Variants in NUP85 observed in about 807,000 individuals in gnomAD.
NUP85 encodes the protein nuclear pore complex protein Nup85.
In NUP85, 23 loss-of-function variants were observed where a neutral mutation model predicts 92.8. The observed-to-expected ratio is 0.25, with a 90% CI of 0.18 to 0.35. The LOEUF (loss-of-function observed/expected upper bound fraction) is 0.35, where lower values mean the gene tolerates loss of function less well. Among genes scored for constraint, NUP85 ranks in the 10% least tolerant of loss-of-function variants. NUP85 has a pLI of 1.00. For missense variants in NUP85, 759 were observed against 822.8 expected (o/e 0.92, Z 0.95); for synonymous variants, 314 against 306.9 (o/e 1.02, Z -0.24).
rs2075738554 is a variant in NUP85, at chr17:75,225,099, C to T, written c.598-4C>T. ...AATGCTTATGGGCCCGGATCTCCTC[C>T]CAGGTGACCATCTTGGTGCTGCAGG... On this transcript the variant is annotated splice_polypyrimidine_tract_variant and splice_region_variant and intron_variant, in intron 7 of 18. Transcript: ENST00000245544. 6.5e-7 allele frequency: 1 copy of T among 1,547,922 alleles called. No homozygotes were observed. The highest frequency in any genetic ancestry group is 2.3e-5 in the East Asian group (1 of 44,182).
chr17:75,226,033 C>T lies in NUP85; in HGVS notation c.988-18C>T. The T allele has an allele frequency of 6.2e-7, 1 of 1,613,612 alleles. No homozygotes were observed. The highest frequency in any genetic ancestry group is 1.1e-5 in the South Asian group (1 of 91,060). ...TGCTTCCGTCCTCAGGATTGAGTGTCTCATCACCTTTCCACAGTCCAGCCT... is the reference window on the plus strand; with the variant it reads ...TGCTTCCGTCCTCAGGATTGAGTGTTTCATCACCTTTCCACAGTCCAGCCT... On this transcript the variant is annotated intron_variant, in intron 10 of 18. Transcript: ENST00000245544.
At chr17:75,225,280 G>A (rs772184913) in intron 8 of NUP85, 43 bp downstream of exon 8, 60 of 1,609,906 alleles carry the variant, frequency 3.7e-5, no homozygotes, top group Admixed American at 1.0e-4. Flanking sequence ...CAGGAGATGC[G>A]TGATTCACTA....
chr17:75,207,489 T>C (rs2075121783), intron 1 of NUP85, among the ~76,000 whole-genome samples: 1 of 150,442 alleles, frequency 6.6e-6, no homozygotes. Flanking sequence ...CTGGCCTCAT[T>C]CTTTTTTTGA....
intron 4 of NUP85, 40 bp from the exon 5 acceptor site, chr17:75,213,036 G>A: frequency 6.3e-7 from 1 of 1,594,160 alleles, no homozygotes; most frequent in African/African-American, 1.3e-5. Context: ...ATAAGCCTAA[G>A]AGTTCCATTG....
rs1177619552 is a variant in NUP85, at chr17:75,233,428, TTATTTTTTC to T, written c.1615+272_1615+280del. On this transcript the variant is annotated intron_variant, in intron 16 of 18. Transcript: ENST00000245544. ...CTCTTTCTTTCTTTCTTCTTTTCTT[TTATTTTTTC>T]TTTTTTTTTTTTTTTGAGACAGAAT... is the stretch of plus-strand genomic sequence containing the variant. Among the ~76,000 whole-genome samples, 12 of 38,772 alleles carry T rather than the reference TTATTTTTTC, an allele frequency of 3.1e-4. 1 individual carries two copies. In the South Asian group the frequency reaches 1.0e-2, roughly 32 times the overall value. 25.4% of individuals were successfully genotyped at this position (38,772 alleles called of 152,430 possible). A position where few individuals can be genotyped will look rare whatever the true frequency, so the allele number is the denominator to read the frequency against.
chr17:75,229,557 C>T (rs1441548040), intron 11 of NUP85, among the ~76,000 whole-genome samples: 1 of 152,166 alleles, frequency 6.6e-6, no homozygotes, highest in African/African-American at 2.4e-5. Context: ...ACTCAGAATC[C>T]TTCAGAGTGA....
In NUP85 at chr17:75,231,393, A is replaced by T; in HGVS notation, c.1148A>T (p.His383Leu). ...GCCCACCTGACAGACCTGCTGGACC[A>T]CTGCAAGCTCCTCCAGTCACACAAC... ...FVAHLTDLLDHCKLLQSHNLY... is the reference protein window; with the variant it reads ...FVAHLTDLLDLCKLLQSHNLY... The change falls in exon 12 of 19, where the codon CAC becomes CTC. Residue 383 changes from histidine (H) to leucine (L), a missense_variant. Transcript: ENST00000245544. This position sits in a 1 kb window ranked among gnomAD's most constrained non-coding sequence, Gnocchi z 4.6. 6.2e-7 allele frequency: 1 copy of T among 1,614,142 alleles called. No individual in the cohort carries two copies. The highest frequency in any genetic ancestry group is 8.5e-7 in the Non-Finnish European group (1 of 1,180,026).
intron 3 of NUP85, among the ~76,000 whole-genome samples, chr17:75,211,027 G>A (rs1297459976): frequency 1.9e-5 from 2 of 107,440 alleles, no homozygotes; most frequent in Non-Finnish European, 3.6e-5. Flanking sequence ...TTTTGAGACA[G>A]AGTTTCACTC....
At position 75,234,842 on chromosome 17, in the gene NUP85, T is replaced by C. The variant is rs1221336196; in HGVS notation, c.1767+54T>C. 7.8e-6 allele frequency: 12 copies of C among 1,541,200 alleles called. No individual in the cohort carries two copies. The African/African-American group carries it at 2.5e-4, about 32-fold the overall frequency. On this transcript the variant is annotated intron_variant, in intron 17 of 18. Coordinates refer to ENST00000245544, the MANE Select transcript of NUP85 (RefSeq NM_024844.5). ...TTGCTTGTCAGTCCCTGCTAGAGCTTAGTTGTATAGCTGTTGCCGATGTGC... is the reference window on the plus strand; with the variant it reads ...TTGCTTGTCAGTCCCTGCTAGAGCTCAGTTGTATAGCTGTTGCCGATGTGC...
At chr17:75,218,362 C>T in intron 7 of NUP85, 56 bp downstream of exon 7, 2 of 1,605,074 alleles carry the variant, frequency 1.2e-6, no homozygotes, top group South Asian at 1.1e-5. Context: ...CCTGGTGCTG[C>T]CGGGTGGGTC....
In NUP85 at chr17:75,212,107, TGTG is replaced by T. The variant is rs765682081; in HGVS notation, c.361+47_361+49del. 168 of 1,396,688 alleles carry T rather than the reference TGTG, an allele frequency of 1.2e-4. 1 individual carries two copies. The African/African-American group carries it at 2.1e-3, about 17-fold the overall frequency. 86.5% of individuals were successfully genotyped at this position (1,396,688 alleles called of 1,614,324 possible). A position where few individuals can be genotyped will look rare whatever the true frequency, so the allele number is the denominator to read the frequency against. ...GCGCGCGTGTGTGTGTGTGTGTGTG[TGTG>T]GGTATTTTGAGTATTTATCTATGCA... On this transcript the variant is annotated intron_variant, in intron 4 of 18. Transcript: ENST00000245544.
intron 14 of NUP85, chr17:75,232,221 C>CT: frequency 2.0e-6 from 1 of 509,000 alleles, no homozygotes; most frequent in Non-Finnish European, 3.5e-6. Flanking sequence ...TGAGCCGCCC[C>CT]TTTTCTCACA....
intron 17 of NUP85, 146 bp downstream of exon 17, chr17:75,234,934 G>C (rs759180068): frequency 1.5e-5 from 17 of 1,121,876 alleles, no homozygotes; most frequent in Admixed American, 3.4e-5. Flanking sequence ...TGGGATTCCA[G>C]ACTCACACAG....
At position 75,205,787 on chromosome 17, in the gene NUP85, C is replaced by T. The variant is rs2075059328; in HGVS notation, c.26C>T (p.Thr9Ile). 6.2e-7 allele frequency: 1 copy of T among 1,614,056 alleles called. No individual in the cohort carries two copies. Among genetic ancestry groups the T allele is most frequent in the African/African-American group, 1.3e-5 (1 of 74,940 alleles). MEELDGEP[T>I]VTLIPGVNSK... is the part of the protein sequence containing the mutation. ...ATGGAGGAGCTCGATGGCGAGCCAA[C>T]AGTCACTGTAAGGGTACCCCGAACA... Residue 9 changes from threonine to isoleucine, a missense_variant, in exon 1 of 19, where the codon ACA (threonine) becomes ATA (isoleucine). Coordinates refer to ENST00000245544, the MANE Select transcript of NUP85 (RefSeq NM_024844.5).
At position 75,212,089 on chromosome 17, in the gene NUP85, T is replaced by TGC. The variant is rs748147163; in HGVS notation, c.361+28_361+29insCG. 7.6e-5 allele frequency: 91 copies of TGC among 1,190,580 alleles called. No individual in the cohort carries two copies. The African/African-American group carries it at 3.0e-3, about 39-fold the overall frequency. The allele number at this position is 1,190,580 out of a possible 1,614,324, so 73.8% of individuals were successfully genotyped here. ...TAAGGACTGTGTGCGCGTGCGCGCG[T>TGC]GTGTGTGTGTGTGTGTGTGTGGGTA... On this transcript the variant is annotated intron_variant, in intron 4 of 18. Coordinates refer to ENST00000245544, the MANE Select transcript of NUP85 (RefSeq NM_024844.5).
At chr17:75,235,426 G>T in intron 18 of NUP85, 152 bp from the exon 19 acceptor site, 1 of 622,774 alleles carries the variant, frequency 1.6e-6, no homozygotes, top group Non-Finnish European at 2.8e-6. Context: ...TTCCAGTATG[G>T]CCCTTTGGTA....
Position 75,209,988 on chromosome 17 carries a change from A to C in NUP85, c.290+3A>C. ...ACTGGAAAATCCAGAAAATCTCAGTAAGTTGGTTGCTGTTTGGTGTTGAAG... is the reference window on the plus strand; with the variant it reads ...ACTGGAAAATCCAGAAAATCTCAGTCAGTTGGTTGCTGTTTGGTGTTGAAG... On this transcript the variant is annotated splice_donor_region_variant and intron_variant, in intron 3 of 18. Transcript: ENST00000245544. The C allele has an allele frequency of 6.3e-7, 1 of 1,592,040 alleles. No homozygotes were observed. The highest frequency in any genetic ancestry group is 8.5e-7 in the Non-Finnish European group (1 of 1,175,020).
intron 3 of NUP85, among the ~76,000 whole-genome samples, chr17:75,210,903 G>A (rs1485752747): frequency 2.0e-5 from 3 of 150,882 alleles, no homozygotes; most frequent in Non-Finnish European, 2.9e-5. Flanking sequence ...GGGTTTCACC[G>A]TGTTAGCCAG....
intron 16 of NUP85, 67 bp downstream of exon 16, chr17:75,233,225 C>A: frequency 1.6e-6 from 2 of 1,277,520 alleles, no homozygotes; most frequent in South Asian, 2.4e-5. Flanking sequence ...TTGGAGGGAT[C>A]ACGTCAGACT....
Sources: allele counts gnomAD v4.1 joint callset (sites outside exome capture counted in the v4.1 genomes callset), GRCh38; gene constraint gnomAD v4.1.1; non-coding constraint Gnocchi (gnomAD v3.1); transcripts MANE v1.5; gene names NCBI Gene and HGNC (gene_info 2026-07-23, HGNC 2026-07-21).